The following DSCAM variants were observed in gnomAD, a reference collection of about 807,000 sequenced individuals.
DSCAM encodes the protein DS cell adhesion molecule, also known as cell adhesion molecule DSCAM.
Under a neutral mutation model 217.7 loss-of-function variants are expected in DSCAM, and 47 were observed. That is an observed-to-expected ratio of 0.22 (90% CI 0.17 to 0.28). The LOEUF (loss-of-function observed/expected upper bound fraction) is 0.28, where lower values mean the gene tolerates loss of function less well. Among genes scored for constraint, DSCAM ranks in the 10% least tolerant of loss-of-function variants. The pLI is 1.00. For missense variants in DSCAM, 2,080 were observed against 2,618.3 expected (o/e 0.79, Z 4.49); for synonymous variants, 1,056 against 1,015.3 (o/e 1.04, Z -0.76).
chr21:40,596,323 C>T (rs1279746590), intron 3 of DSCAM, among the ~76,000 whole-genome samples: 1 of 152,190 alleles, frequency 6.6e-6, no homozygotes, highest in Non-Finnish European at 1.5e-5. Context: ...CTACATGACA[C>T]CTTTTTAAGG....
At chr21:40,233,882 G>A (rs1173553293) in intron 11 of DSCAM, among the ~76,000 whole-genome samples, 1 of 152,092 alleles carries the variant, frequency 6.6e-6, no homozygotes, top group Non-Finnish European at 1.5e-5. Context: ...ATGTTAAGAT[G>A]GCTCCAGGCT....
intron 3 of DSCAM, among the ~76,000 whole-genome samples, chr21:40,612,231 C>T (rs1159863814): frequency 6.6e-6 from 1 of 152,056 alleles, no homozygotes; most frequent in African/African-American, 2.4e-5. Flanking sequence ...AATTTAATTC[C>T]CCTCTCTCTT....
chr21:40,479,975 A>T (rs548268930), intron 3 of DSCAM, among the ~76,000 whole-genome samples: 1 of 152,338 alleles, frequency 6.6e-6, no homozygotes, highest in South Asian at 2.1e-4. Context: ...TGATAGCAAC[A>T]TGTATGAGAT....
chr21:40,298,084 C>CTTTTTTT lies in DSCAM; in HGVS notation c.2063-1917_2063-1911dup, dbSNP rs59908038. 4.1e-3 allele frequency among the ~76,000 whole-genome samples: 543 copies of CTTTTTTT among 132,650 alleles called. 23 individuals are homozygous for CTTTTTTT. The highest frequency in any genetic ancestry group is 0.015 in the African/African-American group (507 of 34,050). 87.0% of individuals were successfully genotyped at this position (132,650 alleles called of 152,430 possible). On this transcript the variant is annotated intron_variant, in intron 9 of 32. Transcript: ENST00000400454. ...TAAATGCAGGTATGTTTAGCTTTTA[C>CTTTTTTT]TTTTTTTTTTTTTTTTGAGATGGAG...
intron 29 of DSCAM, 138 bp downstream of exon 29, chr21:40,055,587 T>C: frequency 1.5e-6 from 1 of 647,360 alleles, no homozygotes. Flanking sequence ...CAAGAACAAT[T>C]CTCTACCTTC....
chr21:40,494,206 AC>A, intron 3 of DSCAM, among the ~76,000 whole-genome samples: 1 of 152,312 alleles, frequency 6.6e-6, no homozygotes, highest in Non-Finnish European at 1.5e-5. Context: ...ATTTACAATT[AC>A]CTTGAATGTA....
intron 32 of DSCAM, among the ~76,000 whole-genome samples, chr21:40,031,809 AG>A (rs1263722266): frequency 1.3e-5 from 2 of 152,182 alleles, no homozygotes; most frequent in Non-Finnish European, 2.9e-5. Flanking sequence ...ATCCCAAACC[AG>A]AAATGGGAGA....
chr21:40,580,638 T>C (rs1425993767), intron 3 of DSCAM, among the ~76,000 whole-genome samples: 1 of 152,072 alleles, frequency 6.6e-6, no homozygotes, highest in East Asian at 1.9e-4. Context: ...CAATAGAACT[T>C]ATATAAACTT....
chr21:40,479,245 C>A (rs2075962345), intron 3 of DSCAM, among the ~76,000 whole-genome samples: 1 of 152,206 alleles, frequency 6.6e-6, no homozygotes, highest in Admixed American at 6.5e-5. Context: ...CCACTCAGGT[C>A]CATTGGACAT....
chr21:40,536,450 G>GGAGT (rs1326195030), intron 3 of DSCAM, among the ~76,000 whole-genome samples: 2 of 148,186 alleles, frequency 1.3e-5, no homozygotes, highest in Non-Finnish European at 1.5e-5. Flanking sequence ...CCCCCAGGCT[G>GGAGT]GAGTGCAGTG....
chr21:40,317,317 T>C (rs139411014), intron 8 of DSCAM, among the ~76,000 whole-genome samples: 1 of 152,342 alleles, frequency 6.6e-6, no homozygotes, highest in Non-Finnish European at 1.5e-5. Flanking sequence ...ACAATGTACA[T>C]ACAACACAAG....
intron 3 of DSCAM, among the ~76,000 whole-genome samples, chr21:40,563,591 T>TA (rs369668523): frequency 1.6e-4 from 19 of 116,972 alleles, no homozygotes; most frequent in Admixed American, 4.7e-4. Context: ...GTTTATATGT[T>TA]TATATGTTAT....
intron 27 of DSCAM, among the ~76,000 whole-genome samples, chr21:40,067,764 C>G (rs180699824): frequency 1.3e-5 from 1 of 74,824 alleles, no homozygotes; most frequent in Non-Finnish European, 2.7e-5. Flanking sequence ...CTCCCTCCCT[C>G]CCTCCCTCCC....
At chr21:40,432,825 C>T (rs989600816) in intron 3 of DSCAM, among the ~76,000 whole-genome samples, 1 of 152,086 alleles carries the variant, frequency 6.6e-6, no homozygotes, top group Non-Finnish European at 1.5e-5. Context: ...GAAACTGAGG[C>T]CCAGAGGGTG....
chr21:40,481,661 G>A (rs1312810661), intron 3 of DSCAM, among the ~76,000 whole-genome samples: 4 of 151,482 alleles, frequency 2.6e-5, no homozygotes, highest in South Asian at 2.1e-4. Flanking sequence ...ACAACACTAC[G>A]AAAGTGTGAT....
chr21:40,680,014 TAATAAG>T (rs1228831639), intron 3 of DSCAM, among the ~76,000 whole-genome samples: 5 of 151,986 alleles, frequency 3.3e-5, no homozygotes, highest in Non-Finnish European at 7.4e-5. Context: ...ATGATAATAA[TAATAAG>T]AAGAAGAAGG....
At chr21:40,794,606 T>G (rs2091674823) in intron 1 of DSCAM, among the ~76,000 whole-genome samples, 1 of 151,856 alleles carries the variant, frequency 6.6e-6, no homozygotes, top group South Asian at 2.1e-4. Flanking sequence ...ATCTCAACCT[T>G]CAGCATTTAA....
At chr21:40,693,438 T>C (rs914938529) in intron 2 of DSCAM, among the ~76,000 whole-genome samples, 6 of 151,986 alleles carry the variant, frequency 3.9e-5, no homozygotes, top group African/African-American at 7.3e-5. Flanking sequence ...CTACACTCTA[T>C]ACCAAGGGGC....
At chr21:40,258,038 A>C (rs1044439169) in intron 11 of DSCAM, among the ~76,000 whole-genome samples, 1 of 152,110 alleles carries the variant, frequency 6.6e-6, no homozygotes, top group African/African-American at 2.4e-5. Flanking sequence ...GTGCTTTCTG[A>C]CTGTTTTGTT....
Sources: allele counts gnomAD v4.1 joint callset (sites outside exome capture counted in the v4.1 genomes callset), GRCh38; gene constraint gnomAD v4.1.1; transcripts MANE v1.5; gene names NCBI Gene and HGNC (gene_info 2026-07-23, HGNC 2026-07-21).